Variants in ASAP1 observed in about 807,000 individuals in gnomAD.
The protein encoded by ASAP1 is ArfGAP with SH3 domain, ankyrin repeat and PH domain 1.
In ASAP1, 43 loss-of-function variants were observed where a neutral mutation model predicts 145.2. The observed-to-expected ratio is 0.30, with a 90% confidence interval of 0.23 to 0.38. The LOEUF is 0.38. Ranked by LOEUF, ASAP1 falls within the 10% of genes least tolerant of loss-of-function variation. ASAP1 has a pLI of 1.00. For missense variants in ASAP1, 1,018 were observed against 1,355.3 expected (o/e 0.75, Z 3.91); for synonymous variants, 546 against 515.5 (o/e 1.06, Z -0.80).
chr8:130,295,967 C>T (rs938905044), intron 3 of ASAP1, among the ~76,000 whole-genome samples: 2 of 152,168 alleles, frequency 1.3e-5, no homozygotes, highest in African/African-American at 4.8e-5. Context: ...CCTTTTAGCA[C>T]CCAGAATGCC....
intron 3 of ASAP1, among the ~76,000 whole-genome samples, chr8:130,318,254 T>C (rs1350390489): frequency 1.3e-5 from 2 of 152,122 alleles, no homozygotes; most frequent in Admixed American, 6.5e-5. Flanking sequence ...GCTCATTTTT[T>C]ATTCTTTTGT....
chr8:130,354,532 T>C (rs1255106620), intron 3 of ASAP1, among the ~76,000 whole-genome samples: 1 of 152,198 alleles, frequency 6.6e-6, no homozygotes, highest in African/African-American at 2.4e-5. Context: ...AGTCTTTAAA[T>C]AGAGGGTCCC....
At chr8:130,343,281 G>A (rs1478687582) in intron 3 of ASAP1, among the ~76,000 whole-genome samples, 2 of 152,150 alleles carry the variant, frequency 1.3e-5, no homozygotes, top group African/African-American at 2.4e-5. Context: ...AGGCGGATAC[G>A]GGCTGATAAG....
chr8:130,361,802 A>G (rs2138197363), intron 2 of ASAP1: 1 of 1,444,520 alleles, frequency 6.9e-7, no homozygotes, highest in East Asian at 2.5e-5. Flanking sequence ...ACATGGGCAA[A>G]ACGTAAATGC....
intron 3 of ASAP1, among the ~76,000 whole-genome samples, chr8:130,241,818 A>AATAG (rs1419817477): frequency 6.6e-6 from 1 of 152,128 alleles, no homozygotes; most frequent in Non-Finnish European, 1.5e-5. Context: ...TAACTGAGCA[A>AATAG]TGGCAATACT....
At chr8:130,337,949 G>C (rs1825137874) in intron 3 of ASAP1, among the ~76,000 whole-genome samples, 1 of 152,224 alleles carries the variant, frequency 6.6e-6, no homozygotes, top group Non-Finnish European at 1.5e-5. Context: ...CCAATGTGGA[G>C]TGTAAGATGC....
Position 130,112,235 on chromosome 8 carries a change from G to C in ASAP1, c.2260C>G (p.Pro754Ala). The change falls in exon 24 of 30, where the codon CCA becomes GCA. Residue 754 changes from proline (P) to alanine (A), a missense_variant. Coordinates refer to ENST00000518721, the MANE Select transcript of ASAP1 (RefSeq NM_018482.4). ...TTGTCCCTTGGAGTGCTGAATCCTG[G>C]CAGTGCCAGCTTGTCCTGGGGGGAG... The part of the protein sequence containing the change: ...SISPQDKLAL[P>A]GFSTPRDKQR... 1 of 1,614,212 alleles carries C rather than the reference G, an allele frequency of 6.2e-7. No homozygotes were observed. Among genetic ancestry groups the C allele is most frequent in the African/African-American group, 1.3e-5 (1 of 75,050 alleles).
intron 3 of ASAP1, among the ~76,000 whole-genome samples, chr8:130,352,987 A>G (rs1826088467): frequency 6.6e-6 from 1 of 152,184 alleles, no homozygotes; most frequent in Non-Finnish European, 1.5e-5. Context: ...GTTCTTCTTC[A>G]TTGTATCCCT....
chr8:130,109,659 C>A (rs1046371598), intron 24 of ASAP1, among the ~76,000 whole-genome samples: 1 of 152,036 alleles, frequency 6.6e-6, no homozygotes, highest in African/African-American at 2.4e-5. Context: ...TGAAAAAAAA[C>A]ATAGGGGCCA....
At chr8:130,278,026 T>C (rs1821019954) in intron 3 of ASAP1, among the ~76,000 whole-genome samples, 1 of 152,000 alleles carries the variant, frequency 6.6e-6, no homozygotes, top group South Asian at 2.1e-4. Flanking sequence ...GAAGATTTAT[T>C]TCCCTGTGCC....
intron 17 of ASAP1, 113 bp from the exon 18 acceptor site, chr8:130,124,217 T>C: frequency 1.3e-6 from 1 of 786,226 alleles, no homozygotes; most frequent in Non-Finnish European, 2.0e-6. Flanking sequence ...TCATTTGACT[T>C]AGAATACAAA....
chr8:130,316,056 C>T (rs2670873), intron 3 of ASAP1, among the ~76,000 whole-genome samples: 95,125 of 152,028 alleles, frequency 0.63, 30,060 homozygotes, highest in East Asian at 0.78. Context: ...AAAGCACTTC[C>T]GTCTTTTCAG....
At chr8:130,060,445 G>A (rs779533086) in intron 28 of ASAP1, 134 bp downstream of exon 28, 72 of 1,240,240 alleles carry the variant, frequency 5.8e-5, no homozygotes, top group Middle Eastern at 2.9e-4. Flanking sequence ...CCACCATCAT[G>A]CTTGAACCAG....
intron 1 of ASAP1, among the ~76,000 whole-genome samples, chr8:130,430,367 C>T (rs951432242): frequency 1.3e-5 from 2 of 152,138 alleles, no homozygotes; most frequent in Admixed American, 6.5e-5. Flanking sequence ...TTTTTTTACT[C>T]ACTCATCCCT....
At chr8:130,353,127 C>A (rs1826096291) in intron 3 of ASAP1, among the ~76,000 whole-genome samples, 1 of 152,174 alleles carries the variant, frequency 6.6e-6, no homozygotes, top group South Asian at 2.1e-4. Flanking sequence ...CTATGAACTG[C>A]CCCTTTCTAC....
chr8:130,335,201 C>T (rs576831954), intron 3 of ASAP1, among the ~76,000 whole-genome samples: 4 of 152,348 alleles, frequency 2.6e-5, no homozygotes, highest in African/African-American at 7.2e-5. Flanking sequence ...CTTTCATTTT[C>T]ATTTGATGAC....
chr8:130,286,633 T>A (rs905778721), intron 3 of ASAP1, among the ~76,000 whole-genome samples: 1 of 152,066 alleles, frequency 6.6e-6, no homozygotes, highest in African/African-American at 2.4e-5. Context: ...TGTAAAGCAC[T>A]AAGAACAGTG....
chr8:130,383,976 T>C (rs1367136571), intron 2 of ASAP1, among the ~76,000 whole-genome samples: 1 of 152,204 alleles, frequency 6.6e-6, no homozygotes, highest in African/African-American at 2.4e-5. Context: ...CCACCTGCCC[T>C]TCCTACGGTT....
chr8:130,073,646 C>G (rs1457632054), intron 27 of ASAP1, among the ~76,000 whole-genome samples: 1 of 152,134 alleles, frequency 6.6e-6, no homozygotes. Flanking sequence ...AGGGGAGAAG[C>G]AGTGACTGTG....
Sources: allele counts gnomAD v4.1 joint callset (sites outside exome capture counted in the v4.1 genomes callset), GRCh38; gene constraint gnomAD v4.1.1; transcripts MANE v1.5; gene names NCBI Gene and HGNC (gene_info 2026-07-23, HGNC 2026-07-21).